The following ATP8B4 variants were observed in gnomAD, a reference collection of about 807,000 sequenced individuals.
ATP8B4 encodes ATPase phospholipid transporting 8B4 (putative).
Under a neutral mutation model 145.6 loss-of-function variants are expected in ATP8B4, and 133 were observed. That is an observed-to-expected ratio of 0.91 (90% CI 0.79 to 1.05). The LOEUF is 1.05. ATP8B4 is among the 50% of genes least tolerant of loss of function. The pLI is 0.00. For synonymous variants in ATP8B4, 507 were observed against 492.9 expected, an observed-to-expected ratio of 1.03 and a Z score of -0.38; for missense variants, 1,458 against 1,425.2, an observed-to-expected ratio of 1.02 and a Z score of -0.37.
intron 6 of ATP8B4, among the ~76,000 whole-genome samples, chr15:50,014,192 G>C (rs994718229): frequency 2.0e-5 from 3 of 152,074 alleles, no homozygotes; most frequent in Non-Finnish European, 4.4e-5. Context: ...AGAGAGAGTA[G>C]ATAATAAAGG....
chr15:50,126,281 G>A (rs1358339641), intron 1 of ATP8B4, among the ~76,000 whole-genome samples: 5 of 151,498 alleles, frequency 3.3e-5, no homozygotes, highest in East Asian at 1.9e-4. Flanking sequence ...TGTCAGAGGC[G>A]TCCAAGGCCT....
intron 13 of ATP8B4, among the ~76,000 whole-genome samples, chr15:49,965,729 C>A (rs74012851): frequency 0.019 from 2,928 of 152,166 alleles, 91 homozygotes; most frequent in African/African-American, 0.067. Flanking sequence ...TAAAATGCTG[C>A]CCTTACTGAC....
intron 1 of ATP8B4, among the ~76,000 whole-genome samples, chr15:50,162,137 G>A (rs2044529577): frequency 6.6e-6 from 1 of 152,000 alleles, no homozygotes; most frequent in African/African-American, 2.4e-5. Context: ...GCTACCAGAT[G>A]TATTGGAGCT....
intron 3 of ATP8B4, among the ~76,000 whole-genome samples, chr15:50,053,058 T>C (rs952647768): frequency 2.6e-5 from 4 of 152,194 alleles, no homozygotes; most frequent in Non-Finnish European, 5.9e-5. Flanking sequence ...TGAAAGATGA[T>C]GCACAGCTTG....
intron 7 of ATP8B4, 91 bp from the exon 8 acceptor site, chr15:50,002,314 G>T: frequency 5.9e-6 from 6 of 1,010,002 alleles, no homozygotes; most frequent in Non-Finnish European, 7.3e-6. Context: ...TACTAAAGAG[G>T]CAACAGAGCC....
At chr15:50,085,678 G>A (rs570071698) in intron 2 of ATP8B4, among the ~76,000 whole-genome samples, 2 of 151,170 alleles carry the variant, frequency 1.3e-5, no homozygotes, top group African/African-American at 4.9e-5. Context: ...AATTATATGT[G>A]TAAGATTTAG....
Position 50,047,457 on chromosome 15 carries a change from C to G in ATP8B4, c.95G>C (p.Arg32Pro). Residue 32 changes from arginine (R) to proline (P), a missense_variant, in exon 4 of 28, where the codon CGT (arginine) becomes CCT (proline). Transcript: ENST00000284509. ...YNEKFQYADN[R>P]IHTSKYNILT... ...AATATTATATTTCGATGTGTGGATA[C>G]GATTATCCTGGAAAAGAAATAGCAT... 1 of 1,547,820 alleles carries G rather than the reference C, an allele frequency of 6.5e-7. No individual in the cohort carries two copies. Among genetic ancestry groups the G allele is most frequent in the Non-Finnish European group, 8.9e-7 (1 of 1,120,166 alleles).
At chr15:50,076,527 T>C (rs2054187934) in intron 2 of ATP8B4, among the ~76,000 whole-genome samples, 1 of 151,862 alleles carries the variant, frequency 6.6e-6, no homozygotes, top group African/African-American at 2.4e-5. Context: ...GAAACCATCC[T>C]GTCCAGCATC....
chr15:50,069,243 T>C (rs2053574509), intron 3 of ATP8B4, among the ~76,000 whole-genome samples: 1 of 152,222 alleles, frequency 6.6e-6, no homozygotes, highest in South Asian at 2.1e-4. Context: ...CACAATATCA[T>C]GTCTAATTTA....
chr15:50,158,161 T>G (rs1488830077), intron 1 of ATP8B4, among the ~76,000 whole-genome samples: 1 of 152,234 alleles, frequency 6.6e-6, no homozygotes, highest in East Asian at 1.9e-4. Flanking sequence ...GATTGCAGCC[T>G]CTGCCCAGCC....
chr15:49,996,989 A>T (rs918983658), intron 8 of ATP8B4, among the ~76,000 whole-genome samples: 1 of 152,080 alleles, frequency 6.6e-6, no homozygotes, highest in African/African-American at 2.4e-5. Context: ...CAACACAATG[A>T]TCTGTTTTGC....
At chr15:50,076,734 C>T (rs978939025) in intron 2 of ATP8B4, among the ~76,000 whole-genome samples, 1 of 152,176 alleles carries the variant, frequency 6.6e-6, no homozygotes, top group African/African-American at 2.4e-5. Context: ...TCTGTTACTT[C>T]TACTAATTAT....
intron 6 of ATP8B4, among the ~76,000 whole-genome samples, chr15:50,012,737 A>T (rs1180165082): frequency 6.6e-6 from 1 of 152,208 alleles, no homozygotes; most frequent in Non-Finnish European, 1.5e-5. Context: ...CTACAAATGT[A>T]ACTAGAGTTT....
intron 3 of ATP8B4, among the ~76,000 whole-genome samples, chr15:50,065,144 T>G (rs182347215): frequency 1.0e-3 from 155 of 152,298 alleles, no homozygotes; most frequent in African/African-American, 3.7e-3. Flanking sequence ...ATAAGGCATA[T>G]GTAAATCAGG....
chr15:49,920,408 T>C lies in ATP8B4; in HGVS notation c.1761A>G (p.Glu587=). 1 of 1,612,172 alleles carries C rather than the reference T, an allele frequency of 6.2e-7. No homozygotes were observed. The highest frequency in any genetic ancestry group is 8.5e-7 in the Non-Finnish European group (1 of 1,179,184). ...LLSLTSDHLS[E]FAGEGLRTLA... is the part of the protein sequence containing the mutation. ...AGGTCCGAAGGCCTTCCCCTGCAAA[T>C]TCCTGCCAGAGATGACATAGACTCA... is the stretch of plus-strand genomic sequence containing the variant. Residue 587 remains glutamate, a splice_region_variant and synonymous_variant, in exon 18 of 28, where the codon GAA becomes GAG. Coordinates refer to ENST00000284509, the MANE Select transcript of ATP8B4 (RefSeq NM_024837.4).
intron 1 of ATP8B4, among the ~76,000 whole-genome samples, chr15:50,117,036 G>C (rs764962157): frequency 6.6e-6 from 1 of 151,780 alleles, no homozygotes; most frequent in African/African-American, 2.4e-5. Context: ...ATTAAGTTTT[G>C]TTTTTTATTT....
chr15:49,994,215 C>A (rs905417045), intron 9 of ATP8B4, among the ~76,000 whole-genome samples: 1 of 152,064 alleles, frequency 6.6e-6, no homozygotes, highest in Non-Finnish European at 1.5e-5. Context: ...CCAGCTGATC[C>A]CTCTCCCAGA....
At chr15:49,913,677 AG>A (rs2039460661) in intron 20 of ATP8B4, among the ~76,000 whole-genome samples, 1 of 152,248 alleles carries the variant, frequency 6.6e-6, no homozygotes, top group Non-Finnish European at 1.5e-5. Context: ...GTAAAGTTTC[AG>A]GATACAAAAT....
At position 49,898,118 on chromosome 15, in the gene ATP8B4, G is replaced by A; in HGVS notation, c.2423C>T (p.Ala808Val). 3.7e-6 allele frequency: 6 copies of A among 1,613,858 alleles called. No homozygotes were observed. Among genetic ancestry groups the A allele is most frequent in the Non-Finnish European group, 5.1e-6 (6 of 1,179,870 alleles). The change falls in exon 22 of 28, where the codon GCT becomes GTT. Residue 808 changes from alanine (A) to valine (V), a missense_variant. By Grantham distance (64) the Ala-to-Val change is moderately conservative. Transcript: ENST00000284509. ...VVELVKKYRN[A>V]VTLAIGDGAN... ...TCCATCACCAATGGCCAAAGTAACA[G>A]CATTTCTGTACTTCTTCACCAGCTC...
Sources: gnomAD v4.1 joint callset for allele counts (sites outside exome capture counted in the v4.1 genomes callset) on GRCh38, gnomAD v4.1.1 for gene constraint, MANE v1.5 for transcripts, NCBI Gene and HGNC (gene_info 2026-07-23, HGNC 2026-07-21) for gene names.